Variants in KRT8 observed in about 807,000 individuals in gnomAD.
KRT8 encodes the protein keratin 8.
Under a neutral mutation model 43.0 loss-of-function variants are expected in KRT8, and 24 were observed. The ratio of observed to expected loss-of-function variants is 0.56; its 90% CI spans 0.40 to 0.78. The LOEUF (loss-of-function observed/expected upper bound fraction) is 0.78, where lower values mean the gene tolerates loss of function less well. Among genes scored for constraint, KRT8 ranks in the 30% least tolerant of loss-of-function variants. KRT8 has a pLI of 0.00. For missense variants in KRT8, 492 were observed against 638.4 expected, an observed-to-expected ratio of 0.77 and a Z score of 2.47; for synonymous variants, 214 against 261.2, an observed-to-expected ratio of 0.82 and a Z score of 1.74.
intron 2 of KRT8, among the ~76,000 whole-genome samples, chr12:52,931,418 A>G (rs1364022728): frequency 6.6e-6 from 1 of 152,014 alleles, no homozygotes; most frequent in Non-Finnish European, 1.5e-5. Context: ...GTAATTTCCT[A>G]GGGAACTTGT....
intron 7 of KRT8, among the ~76,000 whole-genome samples, 190 bp downstream of exon 7, chr12:52,898,271 A>G (rs1454113774): frequency 6.6e-6 from 1 of 152,210 alleles, no homozygotes; most frequent in African/African-American, 2.4e-5. Context: ...GCTTTCTAAT[A>G]GTAAAGTTAC....
chr12:52,899,420 G>T (rs1443428387), intron 5 of KRT8, among the ~76,000 whole-genome samples: 1 of 151,974 alleles, frequency 6.6e-6, no homozygotes, highest in South Asian at 2.1e-4. Flanking sequence ...ACACTGTAAG[G>T]TCCCCCTACC....
intron 2 of KRT8, among the ~76,000 whole-genome samples, chr12:52,924,234 G>C (rs2120672725): frequency 6.6e-6 from 1 of 152,176 alleles, no homozygotes; most frequent in African/African-American, 2.4e-5. Context: ...AGATCACAAG[G>C]TCAGGAAATC....
intron 7 of KRT8, 42 bp from the exon 8 acceptor site, chr12:52,897,660 C>T (rs763582296): frequency 6.3e-6 from 10 of 1,597,350 alleles, no homozygotes; most frequent in Middle Eastern, 2.2e-4. Flanking sequence ...CAGAAGCCCA[C>T]CCCATGGCAG....
At chr12:52,919,498 C>G (rs1012248988) in intron 2 of KRT8, among the ~76,000 whole-genome samples, 1 of 151,946 alleles carries the variant, frequency 6.6e-6, no homozygotes, top group African/African-American at 2.4e-5. Context: ...AAACTGCTGG[C>G]CCCAAGTGAT....
In KRT8 at chr12:52,897,397, G is replaced by A. The variant is rs267607662; in HGVS notation, c.*31C>T. 1.3e-3 allele frequency: 1,991 copies of A among 1,579,108 alleles called. 5 individuals carry two copies. Among genetic ancestry groups the A allele is most frequent in the Admixed American group, 1.7e-3 (101 of 59,984 alleles). On this transcript the variant is annotated 3_prime_UTR_variant, in exon 8 of 8. Transcript: ENST00000692008. ...TCCCAGGCTCTGGGGCAGCGCAGGA[G>A]GGGTAGGCTGGGAGGGGCTGCCGCA...
chr12:52,948,119 G>C (rs1942378425), intron 2 of KRT8: 1 of 152,328 alleles, frequency 6.6e-6, no homozygotes, highest in Non-Finnish European at 1.5e-5. Context: ...GGGTGGTGGA[G>C]GGGGCTCAGA....
chr12:52,912,177 G>A (rs2682297), intron 2 of KRT8, among the ~76,000 whole-genome samples: 12,412 of 152,322 alleles, frequency 0.081, 629 homozygotes, highest in East Asian at 0.24. Context: ...ACATTTTGAT[G>A]GAAAGAGGAG....
chr12:52,916,632 T>G (rs990521464), intron 2 of KRT8, among the ~76,000 whole-genome samples: 1 of 152,190 alleles, frequency 6.6e-6, no homozygotes, highest in Admixed American at 6.5e-5. Flanking sequence ...AGTAAATGTA[T>G]AGACCCTCCC....
intron 4 of KRT8, 34 bp downstream of exon 4, chr12:52,900,554 G>A: frequency 7.1e-7 from 1 of 1,406,710 alleles, no homozygotes. Flanking sequence ...GACAAGGCTG[G>A]GGGACCCTCA....
chr12:52,911,131 C>T (rs561231398), upstream of KRT8, among the ~76,000 whole-genome samples: 12 of 152,216 alleles, frequency 7.9e-5, no homozygotes, highest in African/African-American at 2.6e-4. Flanking sequence ...GCGGGCTGAT[C>T]ACCTGAGGTC....
chr12:52,917,931 G>A (rs1327929819), intron 2 of KRT8, among the ~76,000 whole-genome samples: 1 of 147,412 alleles, frequency 6.8e-6, no homozygotes, highest in Non-Finnish European at 1.5e-5. Context: ...AGAAGGAGAA[G>A]GAGAAGAGGA....
At chr12:52,903,824 G>T (rs574071138) in intron 1 of KRT8, among the ~76,000 whole-genome samples, 1 of 151,708 alleles carries the variant, frequency 6.6e-6, no homozygotes, top group African/African-American at 2.4e-5. Context: ...GGCTTTCCGA[G>T]GCCAGGCCCT....
At chr12:52,920,524 G>T (rs1048473635) in intron 2 of KRT8, among the ~76,000 whole-genome samples, 10 of 152,132 alleles carry the variant, frequency 6.6e-5, no homozygotes, top group African/African-American at 2.2e-4. Flanking sequence ...TTGAACCCAG[G>T]GGGCAGAGGT....
Position 52,897,481 on chromosome 12 carries a change from C to CG in KRT8, c.1398dup (p.Glu467ArgfsTer4). ...GACACCAGCTTCCCATCACGTGTCT[C>CG]GATCTTCTTCACAACCACGGCCCTG... On this transcript the variant is annotated frameshift_variant, in exon 8 of 8. Coordinates refer to ENST00000692008, the Ensembl canonical transcript of KRT8. LOFTEE classifies it high-confidence loss of function. 3 of 1,599,374 alleles carry CG rather than the reference C, an allele frequency of 1.9e-6. No homozygotes were observed. Among genetic ancestry groups the CG allele is most frequent in the Non-Finnish European group, 2.5e-6 (3 of 1,179,918 alleles).
intron 2 of KRT8, among the ~76,000 whole-genome samples, chr12:52,932,399 T>C (rs912104123): frequency 6.6e-6 from 1 of 152,114 alleles, no homozygotes; most frequent in African/African-American, 2.4e-5. Flanking sequence ...TCATTCTTAA[T>C]AGTGAAAGAA....
chr12:52,900,758 C>T, intron 3 of KRT8, 75 bp from the exon 4 acceptor site: 1 of 991,838 alleles, frequency 1.0e-6, no homozygotes, highest in Non-Finnish European at 1.6e-6. Context: ...CAAGGTCCAC[C>T]CAATGGCCTG....
At chr12:52,897,536 G>A (rs752720300) in exon 8 of KRT8, 1 of 1,597,368 alleles carries the variant, frequency 6.3e-7, no homozygotes, top group African/African-American at 1.3e-5. Context: ...AGGAGCTGGA[G>A]CCCGCGCCAG....
chr12:52,913,525 C>T (rs1340145593), intron 2 of KRT8, among the ~76,000 whole-genome samples: 1 of 152,168 alleles, frequency 6.6e-6, no homozygotes, highest in East Asian at 1.9e-4. Context: ...CATATAAATA[C>T]AAAGCACACA....
Sources: allele counts gnomAD v4.1 joint callset (sites outside exome capture counted in the v4.1 genomes callset), GRCh38; gene constraint gnomAD v4.1.1; transcripts MANE v1.5; gene names NCBI Gene and HGNC (gene_info 2026-07-23, HGNC 2026-07-21).